The following PLAGL1 variants were observed in gnomAD, a reference collection of about 807,000 sequenced individuals.
PLAGL1 encodes zinc finger protein PLAGL1.
In PLAGL1, 1 loss-of-function variant was observed where a neutral mutation model predicts 4.6. The observed-to-expected ratio is 0.22, with a 90% CI of 0.08 to 1.03. The LOEUF (loss-of-function observed/expected upper bound fraction) is 1.03. PLAGL1 is among the 50% of genes least tolerant of loss of function. The pLI is 0.58. For synonymous variants in PLAGL1, 240 were observed against 237.8 expected, an observed-to-expected ratio of 1.01 and a Z score of -0.08; for missense variants, 464 against 570.4, an observed-to-expected ratio of 0.81 and a Z score of 1.90.
At position 143,962,216 on chromosome 6, in the gene PLAGL1, T is replaced by C. The variant is rs1292928747; in HGVS notation, c.-398-1674A>G. On this transcript the variant is annotated intron_variant, in intron 5 of 7. Coordinates refer to ENST00000674357, the MANE Select transcript of PLAGL1 (RefSeq NM_001317162.2). The surrounding 1 kb of genome is among the most constrained non-coding windows in gnomAD (Gnocchi z 5.3). ...AAATCATGTGCAGTATATGACGATT[T>C]AATAAAGCAGAGAACAGACAGGAAA... Among the ~76,000 whole-genome samples the C allele has an allele frequency of 6.6e-6, 1 of 152,168 alleles. No individual in the cohort carries two copies. Among genetic ancestry groups the C allele is most frequent in the Non-Finnish European group, 1.5e-5 (1 of 68,034 alleles).
rs1425087517 is a variant in PLAGL1 at position 144,039,209 on chromosome 6, T to C, written c.-151+25259A>G. On this transcript the variant is annotated intron_variant, in intron 1 of 3. Coordinates refer to the PLAGL1 transcript ENST00000437412. This position sits in a 1 kb window ranked among gnomAD's most constrained non-coding sequence, Gnocchi z 4.1. Reference sequence around the variant, plus strand: ...GGGCAAGGCATATAAACAGGTGTTTTACTGAAGAATAAACAGAAATGGCTC... The same window carrying C: ...GGGCAAGGCATATAAACAGGTGTTTCACTGAAGAATAAACAGAAATGGCTC... 6.6e-6 allele frequency among the ~76,000 whole-genome samples: 1 copy of C among 152,210 alleles called. No individual in the cohort carries two copies. Among genetic ancestry groups the C allele is most frequent in the Non-Finnish European group, 1.5e-5 (1 of 68,036 alleles).
At chr6:143,943,092 G>A (rs1207657803) in intron 7 of PLAGL1, among the ~76,000 whole-genome samples, 1 of 136,424 alleles carries the variant, frequency 7.3e-6, no homozygotes, top group African/African-American at 2.8e-5. Context: ...TCAAACTCCT[G>A]GGCTCAAGTG....
At position 143,964,444 on chromosome 6, in the gene PLAGL1, G is replaced by A. The variant is rs1310468242; in HGVS notation, c.-399+343C>T. On this transcript the variant is annotated intron_variant, in intron 5 of 7. Coordinates refer to ENST00000674357, the MANE Select transcript of PLAGL1 (RefSeq NM_001317162.2). This position sits in a 1 kb window ranked among gnomAD's most constrained non-coding sequence, Gnocchi z 4.3. The stretch of plus-strand genomic sequence containing the variant: ...CCTCTAGGTTGGCAGAATGGGGACT[G>A]GAGTCCGTTTTCATTATGGGGAATG... Among the ~76,000 whole-genome samples the A allele has an allele frequency of 6.6e-6, 1 of 152,152 alleles. No individual in the cohort carries two copies. Among genetic ancestry groups the A allele is most frequent in the Non-Finnish European group, 1.5e-5 (1 of 68,020 alleles).
upstream of PLAGL1, among the ~76,000 whole-genome samples, chr6:144,010,745 A>G (rs1218974562): frequency 1.3e-5 from 2 of 152,354 alleles, no homozygotes; most frequent in East Asian, 1.9e-4. This position sits in a 1 kb window ranked among gnomAD's most constrained non-coding sequence, Gnocchi z 4.1. Context: ...TGGTACTGGT[A>G]CCAAAACAGA....
At position 143,963,143 on chromosome 6, in the gene PLAGL1, T is replaced by C. The variant is rs1783711956; in HGVS notation, c.-399+1644A>G. 6.6e-6 allele frequency among the ~76,000 whole-genome samples: 1 copy of C among 152,140 alleles called. No individual in the cohort carries two copies. The highest frequency in any genetic ancestry group is 1.5e-5 in the Non-Finnish European group (1 of 68,020). On this transcript the variant is annotated intron_variant, in intron 5 of 7. Coordinates refer to ENST00000674357, the MANE Select transcript of PLAGL1 (RefSeq NM_001317162.2). This position sits in a 1 kb window ranked among gnomAD's most constrained non-coding sequence, Gnocchi z 6.1. ...AGGGGTTGCTGGAAGTTGGAATAGA[T>C]TTGTGGGCCTGGCAGCTGGTCTTCT...
chr6:144,012,363 C>T (rs1795246763), upstream of PLAGL1, among the ~76,000 whole-genome samples: 1 of 151,926 alleles, frequency 6.6e-6, no homozygotes, highest in Non-Finnish European at 1.5e-5. The surrounding 1 kb of genome is among the most constrained non-coding windows in gnomAD (Gnocchi z 4.8). Flanking sequence ...TAGGCGTGCA[C>T]CATCACAACC....
rs549204133 is a variant in PLAGL1, at chr6:144,016,889, T to C, written c.-151+47579A>G. ...TGACCTTCTGCTGTTTTTTTTGTTG[T>C]GAGCTTTTTCATTAGCACTCTCTTG... is the stretch of plus-strand genomic sequence containing the variant. On this transcript the variant is annotated intron_variant, in intron 1 of 3. Transcript: ENST00000437412. This position sits in a 1 kb window ranked among gnomAD's most constrained non-coding sequence, Gnocchi z 4.2. Among the ~76,000 whole-genome samples the C allele has an allele frequency of 2.6e-4, 39 of 152,342 alleles. No individual in the cohort carries two copies. The highest frequency in any genetic ancestry group is 8.4e-4 in the African/African-American group (35 of 41,574).
chr6:144,040,757 C>G (rs895962449), intron 1 of PLAGL1, among the ~76,000 whole-genome samples: 1 of 152,088 alleles, frequency 6.6e-6, no homozygotes, highest in African/African-American at 2.4e-5. Flanking sequence ...CCTGTAATCC[C>G]AGCTACTTGG....
chr6:143,996,781 A>G (rs543606701), intron 1 of PLAGL1, among the ~76,000 whole-genome samples: 40 of 152,158 alleles, frequency 2.6e-4, no homozygotes, highest in Non-Finnish European at 4.9e-4. Flanking sequence ...CATGCAATTC[A>G]ATGGAGGGAA....
At chr6:143,974,078 A>G (rs142697403) in intron 2 of PLAGL1, among the ~76,000 whole-genome samples, 1 of 152,338 alleles carries the variant, frequency 6.6e-6, no homozygotes, top group African/African-American at 2.4e-5. Context: ...GGACTATGAA[A>G]GAAAATGAAT....
chr6:144,010,301 C>A (rs59090158), upstream of PLAGL1, among the ~76,000 whole-genome samples: 25,911 of 151,966 alleles, frequency 0.17, 2,405 homozygotes, highest in Admixed American at 0.28. The surrounding 1 kb of genome is among the most constrained non-coding windows in gnomAD (Gnocchi z 4.1). Context: ...ATTCCTATAC[C>A]CCAATAGTAG....
At position 143,949,347 on chromosome 6, in the gene PLAGL1, T is replaced by C. The variant is rs1562396056; in HGVS notation, c.-324-887A>G. ...TTCTTTTTCTACCAATTGGCCATCA[T>C]TGGAGGAACCTGAAGTGTCTGAGCC... On this transcript the variant is annotated intron_variant, in intron 6 of 7. Transcript: ENST00000674357. The surrounding 1 kb of genome is among the most constrained non-coding windows in gnomAD (Gnocchi z 5.3). Among the ~76,000 whole-genome samples, 1 of 152,216 alleles carries C rather than the reference T, an allele frequency of 6.6e-6. No homozygotes were observed. The highest frequency in any genetic ancestry group is 1.5e-5 in the Non-Finnish European group (1 of 68,028).
Position 143,978,494 on chromosome 6 carries a change from T to C in PLAGL1, c.-544+6641A>G, listed in dbSNP as rs1787201141. Among the ~76,000 whole-genome samples the C allele has an allele frequency of 6.6e-6, 1 of 152,204 alleles. No homozygotes were observed. The highest frequency in any genetic ancestry group is 2.4e-5 in the African/African-American group (1 of 41,454). On this transcript the variant is annotated intron_variant, in intron 2 of 7. Coordinates refer to ENST00000674357, the MANE Select transcript of PLAGL1 (RefSeq NM_001317162.2). This position sits in a 1 kb window ranked among gnomAD's most constrained non-coding sequence, Gnocchi z 4.6. ...AAATTTCCAGCACTTTTTTCAGTAT[T>C]AACTTTTAGTTTAATTCTGTAGTCT...
intron 1 of PLAGL1, among the ~76,000 whole-genome samples, chr6:144,001,202 G>A (rs6940043): frequency 2.0e-5 from 3 of 151,884 alleles, no homozygotes; most frequent in African/African-American, 7.3e-5. Flanking sequence ...AATTTTTAAT[G>A]GGGACATTTC....
In PLAGL1 at chr6:144,000,793, A is replaced by C. The variant is rs1481232279; in HGVS notation, c.-584+7297T>G. Among the ~76,000 whole-genome samples the C allele has an allele frequency of 6.6e-6, 1 of 152,176 alleles. No homozygotes were observed. Among genetic ancestry groups the C allele is most frequent in the Non-Finnish European group, 1.5e-5 (1 of 67,990 alleles). Reference sequence around the variant, plus strand: ...TTGTTCAGGAAATATGGAGAGCTAGACATTCTAAAACAAACCTTTTAATAC... The same window carrying C: ...TTGTTCAGGAAATATGGAGAGCTAGCCATTCTAAAACAAACCTTTTAATAC... On this transcript the variant is annotated intron_variant, in intron 1 of 7. Transcript: ENST00000674357. The surrounding 1 kb of genome is among the most constrained non-coding windows in gnomAD (Gnocchi z 4.1).
In PLAGL1 at chr6:144,016,391, G is replaced by A. The variant is rs1490390394; in HGVS notation, c.-150-47413C>T. 6.6e-6 allele frequency among the ~76,000 whole-genome samples: 1 copy of A among 152,144 alleles called. No homozygotes were observed. The highest frequency in any genetic ancestry group is 2.4e-5 in the African/African-American group (1 of 41,424). On this transcript the variant is annotated intron_variant, in intron 1 of 3. Transcript: ENST00000437412. The surrounding 1 kb of genome is among the most constrained non-coding windows in gnomAD (Gnocchi z 4.2). ...AGATTATGCCCACCAGATTAAGGGT[G>A]GATCTGCCTTCCCCAGACCACTGAC...
At chr6:144,020,928 T>C (rs1182255188) in intron 1 of PLAGL1, among the ~76,000 whole-genome samples, 2 of 147,754 alleles carry the variant, frequency 1.4e-5, no homozygotes, top group Non-Finnish European at 3.0e-5. Context: ...AAACTATAGA[T>C]ATAAAATACA....
At chr6:144,035,611 G>C (rs191765633) in intron 1 of PLAGL1, among the ~76,000 whole-genome samples, 58 of 152,302 alleles carry the variant, frequency 3.8e-4, no homozygotes, top group Non-Finnish European at 2.2e-4. Flanking sequence ...CAGGAACAAT[G>C]CTTTGCATCC....
At position 143,947,649 on chromosome 6, in the gene PLAGL1, A is replaced by T. The variant is rs1182644717; in HGVS notation, c.152+336T>A. Among the ~76,000 whole-genome samples, 1 of 152,240 alleles carries T rather than the reference A, an allele frequency of 6.6e-6. No homozygotes were observed. The highest frequency in any genetic ancestry group is 2.4e-5 in the African/African-American group (1 of 41,462). On this transcript the variant is annotated intron_variant, in intron 7 of 7. Transcript: ENST00000674357. This position sits in a 1 kb window ranked among gnomAD's most constrained non-coding sequence, Gnocchi z 4.3. The stretch of plus-strand genomic sequence containing the variant: ...CATCTGAGAAGCCGTCCCAGGTTTC[A>T]TCAGGCAGTGAAGAACAACTTCTAC...
Sources: allele counts gnomAD v4.1 joint callset (sites outside exome capture counted in the v4.1 genomes callset), GRCh38; gene constraint gnomAD v4.1.1; non-coding constraint Gnocchi (gnomAD v3.1); transcripts MANE v1.5; gene names NCBI Gene and HGNC (gene_info 2026-07-23, HGNC 2026-07-21).